TASOR2: variants seen among roughly 807,000 people sequenced by gnomAD.
The protein encoded by TASOR2 is protein TASOR 2.
A neutral mutation model predicts 199.5 loss-of-function variants in TASOR2; 84 were observed. The observed-to-expected ratio is 0.42, with a 90% CI of 0.35 to 0.50. The LOEUF is 0.50. Among genes scored for constraint, TASOR2 ranks in the 20% least tolerant of loss-of-function variants. TASOR2 has a pLI of 0.02. For missense variants in TASOR2, 2,796 were observed against 2,835.9 expected, an observed-to-expected ratio of 0.99 and a Z score of 0.32; for synonymous variants, 1,103 against 1,046.6, an observed-to-expected ratio of 1.05 and a Z score of -1.04.
At chr10:5,755,522 C>T (rs146996125) in intron 15 of TASOR2, among the ~76,000 whole-genome samples, 2,088 of 151,262 alleles carry the variant, frequency 0.014, 47 homozygotes, top group African/African-American at 0.048. Context: ...TGCAGTGAGC[C>T]GAGATTTCAC....
rs59511159 is a variant in TASOR2 at position 5,731,399 on chromosome 10, G to A, written c.1204+196G>A. Among the ~76,000 whole-genome samples the A allele has an allele frequency of 6.1e-3, 933 of 152,244 alleles. 16 individuals are homozygous for A. Among genetic ancestry groups the A allele is most frequent in the South Asian group, 0.045 (218 of 4,826 alleles). ...CAAAATTAGTTGGGTGTGGCGGTGC[G>A]TGCCTGTAGTCCTAGCTACTCGGAA... On this transcript the variant is annotated intron_variant, in intron 11 of 20. Coordinates refer to ENST00000328090, the Ensembl canonical transcript of TASOR2.
chr10:5,729,389 T>C (rs1834492683), intron 10 of TASOR2, among the ~76,000 whole-genome samples: 1 of 151,682 alleles, frequency 6.6e-6, no homozygotes, highest in Non-Finnish European at 1.5e-5. Context: ...GAGCAATAAC[T>C]TTAAAACAAT....
chr10:5,750,130 CAT>C lies in TASOR2; in HGVS notation c.6606+105_6606+106del. The C allele has an allele frequency of 7.9e-7, 1 of 1,273,598 alleles. No individual in the cohort carries two copies. The highest frequency in any genetic ancestry group is 1.7e-5 in the South Asian group (1 of 60,254). 78.9% of individuals were successfully genotyped at this position (1,273,598 alleles called of 1,614,324 possible). A position where few individuals can be genotyped will look rare whatever the true frequency, so the allele number is the denominator to read the frequency against. On this transcript the variant is annotated intron_variant, in intron 15 of 20. Coordinates refer to ENST00000328090, the Ensembl canonical transcript of TASOR2. This position sits in a 1 kb window ranked among gnomAD's most constrained non-coding sequence, Gnocchi z 5.4. ...CCATCAAAAAGAAATCATGGTATGA[CAT>C]AGTATTTAAATTTCACAGCTTAGTC...
rs780783283 is a variant in TASOR2 at position 5,748,617 on chromosome 10, G to A, written c.5196G>A (p.Thr1732=). Residue 1732 remains threonine, a synonymous_variant, in exon 15 of 21, where the codon ACG becomes ACA. Coordinates refer to ENST00000328090, the Ensembl canonical transcript of TASOR2. The surrounding 1 kb of genome is among the most constrained non-coding windows in gnomAD (Gnocchi z 5.1). ...AAGGTGAACGCAAAGCCATCCACAC[G>A]CTGCAAGATGTGTCAACATGTGAAA... 1.2e-6 allele frequency: 2 copies of A among 1,614,064 alleles called. No homozygotes were observed. Among genetic ancestry groups the A allele is most frequent in the African/African-American group, 1.3e-5 (1 of 75,042 alleles).
At position 5,740,054 on chromosome 10, in the gene TASOR2, T is replaced by A; in HGVS notation, c.1884T>A (p.Ala628=). 1 of 1,614,062 alleles carries A rather than the reference T, an allele frequency of 6.2e-7. No homozygotes were observed. Among genetic ancestry groups the A allele is most frequent in the African/African-American group, 1.3e-5 (1 of 75,050 alleles). Residue 628 remains alanine, a synonymous_variant, in exon 13 of 21, where the codon GCT becomes GCA. Transcript: ENST00000328090. This position sits in a 1 kb window ranked among gnomAD's most constrained non-coding sequence, Gnocchi z 5.3. ...TGGTTCCTTGTAGTCAGGCCCCTGC[T>A]AAAGCCCAGTCAGCACTTACTGAGG...
Position 5,719,411 on chromosome 10 carries a change from C to T in TASOR2, c.-99-1133C>T, listed in dbSNP as rs1172632662. ...AGGCTGGAGTGTAGTGACACAATCTCAGCTCACTGCAACCTCCACCTCCCG... is the reference window on the plus strand; with the variant it reads ...AGGCTGGAGTGTAGTGACACAATCTTAGCTCACTGCAACCTCCACCTCCCG... On this transcript the variant is annotated intron_variant, in intron 3 of 20. Coordinates refer to ENST00000328090, the Ensembl canonical transcript of TASOR2. The surrounding 1 kb of genome is among the most constrained non-coding windows in gnomAD (Gnocchi z 4.1). 2.6e-5 allele frequency among the ~76,000 whole-genome samples: 4 copies of T among 152,122 alleles called. No individual in the cohort carries two copies. The highest frequency in any genetic ancestry group is 5.9e-5 in the Non-Finnish European group (4 of 68,024).
exon 21 of TASOR2, chr10:5,763,710 TC>T (rs1840215035): frequency 6.6e-6 from 1 of 152,246 alleles, no homozygotes; most frequent in Non-Finnish European, 1.5e-5. Context: ...CTAATGTGTT[TC>T]ATTTTTTAAA....
chr10:5,704,866 A>C (rs973368699), intron 1 of TASOR2, among the ~76,000 whole-genome samples: 2 of 152,316 alleles, frequency 1.3e-5, no homozygotes, highest in Admixed American at 6.5e-5. Context: ...TTTGAGATTA[A>C]CTTTTTATGG....
rs1040558754 is a variant in TASOR2 at position 5,737,415 on chromosome 10, C to T, written c.1447+1869C>T. Among the ~76,000 whole-genome samples, 5 of 151,584 alleles carry T rather than the reference C, an allele frequency of 3.3e-5. No homozygotes were observed. The highest frequency in any genetic ancestry group is 1.2e-4 in the African/African-American group (5 of 41,238). On this transcript the variant is annotated intron_variant, in intron 12 of 20. Coordinates refer to ENST00000328090, the Ensembl canonical transcript of TASOR2. This position sits in a 1 kb window ranked among gnomAD's most constrained non-coding sequence, Gnocchi z 4.9. ...ACCCATATGCTGCAGTTTTGGCTTCCATACCAGATTTGAGCTCTTCTGCTT... is the reference window on the plus strand; with the variant it reads ...ACCCATATGCTGCAGTTTTGGCTTCTATACCAGATTTGAGCTCTTCTGCTT...
intron 1 of TASOR2, among the ~76,000 whole-genome samples, chr10:5,707,865 A>T (rs968359673): frequency 6.6e-6 from 1 of 152,032 alleles, no homozygotes; most frequent in Non-Finnish European, 1.5e-5. Context: ...TGGGAAGTCA[A>T]TCCAATGTGT....
intron 14 of TASOR2, among the ~76,000 whole-genome samples, chr10:5,744,330 C>G (rs1380155979): frequency 7.0e-6 from 1 of 143,682 alleles, no homozygotes; most frequent in Admixed American, 6.9e-5. Flanking sequence ...TTTGAGAAGT[C>G]TCACTCTTGT....
At chr10:5,705,933 T>C (rs1339234996) in intron 1 of TASOR2, among the ~76,000 whole-genome samples, 3 of 152,206 alleles carry the variant, frequency 2.0e-5, no homozygotes, top group South Asian at 2.1e-4. Context: ...ATGAAAACTT[T>C]ATGTACCCCA....
intron 1 of TASOR2, 113 bp from the exon 2 acceptor site, chr10:5,712,710 C>A: frequency 1.4e-6 from 1 of 730,842 alleles, no homozygotes; most frequent in Non-Finnish European, 1.9e-6. Flanking sequence ...AAAAATAATG[C>A]ATTTATGTTT....
intron 3 of TASOR2, among the ~76,000 whole-genome samples, chr10:5,718,897 A>C (rs1323160926): frequency 6.6e-6 from 1 of 152,008 alleles, no homozygotes; most frequent in Non-Finnish European, 1.5e-5. Context: ...GATAATAAGC[A>C]TTTCGTTTTT....
rs749171839 is a variant in TASOR2, at chr10:5,730,504, G to A, written c.505G>A (p.Val169Ile). Residue 169 changes from valine to isoleucine, a missense_variant, in exon 11 of 21, where the codon GTT (valine) becomes ATT (isoleucine). Around this residue, in one of 3 missense-constraint regions of TASOR2, gnomAD observed 847 missense variants for 887.4 expected, o/e 0.95. Transcript: ENST00000328090. This position sits in a 1 kb window ranked among gnomAD's most constrained non-coding sequence, Gnocchi z 4.1. ...TATTCTAGGGGTGAAAGATTTGAAAGTTGAAGATGACATCTCAATGAAGGT... is the reference window on the plus strand; with the variant it reads ...TATTCTAGGGGTGAAAGATTTGAAAATTGAAGATGACATCTCAATGAAGGT... The A allele has an allele frequency of 6.3e-7, 1 of 1,599,450 alleles. No homozygotes were observed.
exon 15 of TASOR2, chr10:5,749,811 C>T: frequency 6.2e-7 from 1 of 1,614,038 alleles, no homozygotes; most frequent in African/African-American, 1.3e-5. Context: ...AATTCATTTT[C>T]CAAGACAAAG....
exon 15 of TASOR2, chr10:5,747,192 A>G: frequency 6.2e-7 from 1 of 1,614,096 alleles, no homozygotes; most frequent in Non-Finnish European, 8.5e-7. Flanking sequence ...CGTTTGATTC[A>G]GTATTTATCA....
Position 5,730,655 on chromosome 10 carries a change from G to A in TASOR2, c.656G>A (p.Ser219Asn), listed in dbSNP as rs1440264350. Residue 219 changes from serine (S) to asparagine (N), a missense_variant, in exon 11 of 21, where the codon AGC (serine) becomes AAC (asparagine). Transcript: ENST00000328090. This position sits in a 1 kb window ranked among gnomAD's most constrained non-coding sequence, Gnocchi z 4.1. ...CAAGAATTGTACAAGGCGGACAGAAGCCCTTCATTGAGTGTTGCTCCTCAG... is the reference window on the plus strand; with the variant it reads ...CAAGAATTGTACAAGGCGGACAGAAACCCTTCATTGAGTGTTGCTCCTCAG... 9.3e-6 allele frequency: 15 copies of A among 1,614,088 alleles called. No homozygotes were observed. The highest frequency in any genetic ancestry group is 1.1e-5 in the Non-Finnish European group (13 of 1,180,040).
Position 5,735,290 on chromosome 10 carries a change from CT to C in TASOR2, c.1205-10del, listed in dbSNP as rs1835416211. The C allele has an allele frequency of 1.2e-6, 2 of 1,607,360 alleles. No individual in the cohort carries two copies. Among genetic ancestry groups the C allele is most frequent in the Non-Finnish European group, 1.7e-6 (2 of 1,178,082 alleles). On this transcript the variant is annotated splice_polypyrimidine_tract_variant and intron_variant, in intron 11 of 20. Coordinates refer to ENST00000328090, the Ensembl canonical transcript of TASOR2. ...CCCCTACCCCTTACAAAAATGATGT[CT>C]TTTCTACATAAGGTGCGGAAGTGCT...
Sources: allele counts gnomAD v4.1 joint callset (sites outside exome capture counted in the v4.1 genomes callset), GRCh38; gene constraint gnomAD v4.1.1; regional missense constraint gnomAD v4.1.1; non-coding constraint Gnocchi (gnomAD v3.1); transcripts MANE v1.5; gene names NCBI Gene and HGNC (gene_info 2026-07-23, HGNC 2026-07-21).